DOCK8: variants seen among roughly 807,000 people sequenced by gnomAD.
DOCK8 encodes dedicator of cytokinesis protein 8.
A neutral mutation model predicts 245.6 loss-of-function variants in DOCK8; 141 were observed. The ratio of observed to expected loss-of-function variants is 0.57; its 90% CI spans 0.50 to 0.66. The LOEUF (loss-of-function observed/expected upper bound fraction) is 0.66. Ranked by LOEUF, DOCK8 falls within the 30% of genes least tolerant of loss-of-function variation. DOCK8 has a pLI of 0.00. For missense variants in DOCK8, 2,965 were observed against 2,603.4 expected (o/e 1.14, Z -3.02); for synonymous variants, 1,168 against 970.2 (o/e 1.20, Z -3.79).
intron 14 of DOCK8, among the ~76,000 whole-genome samples, chr9:346,540 C>G (rs996383087): frequency 2.0e-5 from 3 of 152,110 alleles, no homozygotes; most frequent in Non-Finnish European, 2.9e-5. Context: ...CACTTCAGCC[C>G]CCGAGAGCCT....
At chr9:376,520 A>C (rs1209462059) in intron 19 of DOCK8, among the ~76,000 whole-genome samples, 2 of 152,232 alleles carry the variant, frequency 1.3e-5, no homozygotes, top group East Asian at 3.8e-4. Flanking sequence ...GAAAGAACCT[A>C]GTATCTGCAC....
At chr9:390,347 C>G (rs1586875687) in intron 23 of DOCK8, 124 bp from the exon 24 acceptor site, 1 of 888,434 alleles carries the variant, frequency 1.1e-6, no homozygotes, top group Non-Finnish European at 1.8e-6. Flanking sequence ...CCTAGAACAT[C>G]TAAGACACAT....
intron 14 of DOCK8, among the ~76,000 whole-genome samples, chr9:354,281 G>A (rs1247129941): frequency 2.0e-5 from 3 of 152,202 alleles, no homozygotes; most frequent in Non-Finnish European, 2.9e-5. Context: ...GCAGTGGGCC[G>A]AGATCACAGC....
intron 1 of DOCK8, among the ~76,000 whole-genome samples, chr9:246,623 T>C (rs1222717896): frequency 6.6e-6 from 1 of 152,180 alleles, no homozygotes; most frequent in East Asian, 1.9e-4. Context: ...GGATTATTTC[T>C]TTATGGTAGC....
chr9:268,850 T>G (rs573150686), intron 1 of DOCK8, among the ~76,000 whole-genome samples: 2 of 152,286 alleles, frequency 1.3e-5, no homozygotes, highest in East Asian at 3.9e-4. Context: ...CAAGACACAT[T>G]GTTGCTCATG....
upstream of DOCK8, chr9:213,057 C>T (rs541109781): frequency 1.3e-5 from 2 of 152,270 alleles, no homozygotes; most frequent in African/African-American, 4.8e-5. Flanking sequence ...CAAATGTTTG[C>T]TCATAAATTC....
chr9:291,107 C>G (rs2049019993), intron 4 of DOCK8, among the ~76,000 whole-genome samples: 1 of 152,126 alleles, frequency 6.6e-6, no homozygotes, highest in African/African-American at 2.4e-5. Flanking sequence ...TAAATGCTAT[C>G]ATTAGAGGTA....
At chr9:237,034 G>C (rs891608460) in intron 1 of DOCK8, among the ~76,000 whole-genome samples, 3 of 152,206 alleles carry the variant, frequency 2.0e-5, no homozygotes, top group African/African-American at 7.2e-5. Context: ...CTTCCAGCAG[G>C]AACACTTCAC....
intron 1 of DOCK8, chr9:215,282 C>T (rs887556807): frequency 4.4e-6 from 7 of 1,608,704 alleles, no homozygotes; most frequent in Non-Finnish European, 5.9e-6. Context: ...CGCCGGGGAT[C>T]CCTTCCCCGA....
Position 463,550 on chromosome 9 carries a change from C to G in DOCK8, c.6102C>G (p.Leu2034=), listed in dbSNP as rs750290900. 6.2e-7 allele frequency: 1 copy of G among 1,614,214 alleles called. No individual in the cohort carries two copies. The highest frequency in any genetic ancestry group is 8.5e-7 in the Non-Finnish European group (1 of 1,180,046). ...AAGCTGTAGAGAAAAACAAGCGTCT[C>G]ATCACGGCAGACCAGAGGGAATATC... The part of the protein sequence containing the change: ...CGEAVEKNKR[L]ITADQREYQQ... The change falls in exon 47 of 48, where the codon CTC becomes CTG. Residue 2034 remains leucine, a synonymous_variant. Coordinates refer to ENST00000432829, the MANE Select transcript of DOCK8 (RefSeq NM_203447.4).
At position 325,722 on chromosome 9, in the gene DOCK8, T is replaced by A. The variant is rs771554660; in HGVS notation, c.879T>A (p.Val293=). ...PLFASIALYD[V]KERKKISENF... ...TTGCCAGCATTGCCCTCTACGATGT[T>A]AAAGAAAGGAAAAAGGTAAGAAAGC... Residue 293 remains valine (V), a synonymous_variant, in exon 8 of 48, where the codon GTT becomes GTA. Transcript: ENST00000432829. 1 of 1,613,974 alleles carries A rather than the reference T, an allele frequency of 6.2e-7. No individual in the cohort carries two copies. Among genetic ancestry groups the A allele is most frequent in the South Asian group, 1.1e-5 (1 of 91,084 alleles).
intron 33 of DOCK8, among the ~76,000 whole-genome samples, chr9:423,581 T>G (rs868434725): frequency 2.6e-5 from 4 of 152,236 alleles, no homozygotes; most frequent in African/African-American, 4.8e-5. Context: ...TATGGGACTT[T>G]GGGGAGTCAC....
rs370277930 is a variant in DOCK8, at chr9:399,270, C to T, written c.3234+11C>T. The T allele has an allele frequency of 7.1e-5, 100 of 1,402,190 alleles. No individual in the cohort carries two copies. Among genetic ancestry groups the T allele is most frequent in the Middle Eastern group, 3.9e-4 (2 of 5,172 alleles). 86.9% of individuals were successfully genotyped at this position (1,402,190 alleles called of 1,614,324 possible). On this transcript the variant is annotated intron_variant, in intron 26 of 47. Coordinates refer to ENST00000432829, the MANE Select transcript of DOCK8 (RefSeq NM_203447.4). ...CATTATTGCAGCCAGGTGAGTGTCC[C>T]CCCCACCCCCACCCCCGAGCGAGCC...
chr9:459,455 C>T (rs901823912), intron 46 of DOCK8, among the ~76,000 whole-genome samples: 1 of 152,102 alleles, frequency 6.6e-6, no homozygotes, highest in Non-Finnish European at 1.5e-5. Context: ...TTATTAATTG[C>T]TGTGTAACAA....
chr9:308,720 C>T (rs1479234519), intron 5 of DOCK8, among the ~76,000 whole-genome samples: 2 of 152,140 alleles, frequency 1.3e-5, no homozygotes. Context: ...TGCAGTGGCA[C>T]GATCTTGGCT....
intron 1 of DOCK8, among the ~76,000 whole-genome samples, chr9:219,748 T>C (rs573621290): frequency 6.6e-6 from 1 of 152,122 alleles, no homozygotes; most frequent in Admixed American, 6.5e-5. Context: ...AATACAAAAA[T>C]TAGCCAGCTG....
chr9:463,789 C>T (rs1041186570), intron 47 of DOCK8, 102 bp downstream of exon 47: 2 of 1,405,764 alleles, frequency 1.4e-6, no homozygotes, highest in Non-Finnish European at 2.0e-6. Context: ...AGCTGCAGAA[C>T]CTCGAAAGGG....
At chr9:439,531 C>G (rs927504866) in intron 40 of DOCK8, 143 bp downstream of exon 40, 2 of 1,084,972 alleles carry the variant, frequency 1.8e-6, no homozygotes, top group Non-Finnish European at 2.6e-6. Flanking sequence ...GGGATGGGCC[C>G]GGGGAGGACT....
At chr9:328,368 A>G (rs185053028) in intron 9 of DOCK8, among the ~76,000 whole-genome samples, 197 bp downstream of exon 9, 3 of 152,350 alleles carry the variant, frequency 2.0e-5, no homozygotes, top group Admixed American at 2.0e-4. Flanking sequence ...TTGGAGACAC[A>G]CAGACCTAGG....
Sources: gnomAD v4.1 joint callset for allele counts (sites outside exome capture counted in the v4.1 genomes callset) on GRCh38, gnomAD v4.1.1 for gene constraint, MANE v1.5 for transcripts, NCBI Gene and HGNC (gene_info 2026-07-23, HGNC 2026-07-21) for gene names.